The following CHCHD6 variants were observed in gnomAD, a reference collection of about 807,000 sequenced individuals.
CHCHD6 encodes the protein coiled-coil-helix-coiled-coil-helix domain containing 6.
In CHCHD6, 28 loss-of-function variants were observed where a neutral mutation model predicts 32.3. The ratio of observed to expected loss-of-function variants is 0.87; its 90% CI spans 0.64 to 1.19. CHCHD6 has a LOEUF of 1.19. Ranked by LOEUF, CHCHD6 falls within the 50% of genes most tolerant of loss-of-function variation. CHCHD6 has a pLI of 0.00. For synonymous variants in CHCHD6, 122 were observed against 117.5 expected, an observed-to-expected ratio of 1.04 and a Z score of -0.25; for missense variants, 333 against 307.0, an observed-to-expected ratio of 1.08 and a Z score of -0.63.
Position 126,806,913 on chromosome 3 carries a change from C to G in CHCHD6, c.412-45734C>G, listed in dbSNP as rs577399115. On this transcript the variant is annotated intron_variant, in intron 4 of 7. Transcript: ENST00000290913. ...GTCCTTTGTAGGGACATGGATGAAA[C>G]TGGAAATCATCATTCTCAGTAAGCT... Among the ~76,000 whole-genome samples, 53 of 151,616 alleles carry G rather than the reference C, an allele frequency of 3.5e-4. 1 individual carries two copies. Among genetic ancestry groups the G allele is most frequent in the Non-Finnish European group, 7.4e-4 (50 of 67,922 alleles).
At chr3:126,714,861 T>A (rs1232948041) in intron 1 of CHCHD6, among the ~76,000 whole-genome samples, 1 of 152,064 alleles carries the variant, frequency 6.6e-6, no homozygotes, top group African/African-American at 2.4e-5. Flanking sequence ...ATCCTCAGAG[T>A]GAGGACGATG....
At chr3:126,888,686 A>G (rs1265585780) in intron 5 of CHCHD6, among the ~76,000 whole-genome samples, 1 of 152,166 alleles carries the variant, frequency 6.6e-6, no homozygotes, top group Non-Finnish European at 1.5e-5. Flanking sequence ...TGGTGAGTAG[A>G]CAGGAAGGGA....
chr3:126,853,003 A>G (rs543561676), intron 5 of CHCHD6, among the ~76,000 whole-genome samples: 2 of 152,272 alleles, frequency 1.3e-5, no homozygotes, highest in South Asian at 4.1e-4. Context: ...CGGTAGTTCA[A>G]TTTTAGAAAA....
At chr3:126,833,275 A>G (rs1276561418) in intron 4 of CHCHD6, among the ~76,000 whole-genome samples, 3 of 152,164 alleles carry the variant, frequency 2.0e-5, no homozygotes, top group African/African-American at 7.2e-5. Flanking sequence ...GGTACATTTC[A>G]TATACTGTGA....
At chr3:126,888,264 T>C (rs1003642071) in intron 5 of CHCHD6, among the ~76,000 whole-genome samples, 22 of 151,620 alleles carry the variant, frequency 1.5e-4, no homozygotes, top group African/African-American at 2.4e-5. Context: ...AGCTTCTTTT[T>C]AGAGTTGGTA....
chr3:126,857,087 C>G (rs956919265), intron 5 of CHCHD6, among the ~76,000 whole-genome samples: 3 of 152,152 alleles, frequency 2.0e-5, no homozygotes, highest in Non-Finnish European at 4.4e-5. Flanking sequence ...TACTCCACAT[C>G]AATTTAAGTC....
intron 4 of CHCHD6, among the ~76,000 whole-genome samples, chr3:126,840,219 T>C (rs1559874495): frequency 3.3e-5 from 5 of 152,188 alleles, no homozygotes; most frequent in Admixed American, 6.5e-5. Context: ...TTGATGGACA[T>C]TTAGGGGCTA....
In CHCHD6 at chr3:126,849,258, G is replaced by A. The variant is rs201429511; in HGVS notation, c.412-3389G>A. 3.5e-4 allele frequency among the ~76,000 whole-genome samples: 54 copies of A among 152,388 alleles called. No homozygotes were observed. The East Asian group carries it at 6.2e-3, about 17-fold the overall frequency. ...AATGTGGTTTATTCTGACCCTGCAC[G>A]ATAAAGAGGGTTCCTGACTGCCTCT... is the stretch of plus-strand genomic sequence containing the variant. On this transcript the variant is annotated intron_variant, in intron 4 of 7. Transcript: ENST00000290913.
rs1424943369 is a variant in CHCHD6 at position 126,749,174 on chromosome 3, T to C, written c.411+15952T>C. The stretch of plus-strand genomic sequence containing the variant: ...AACAGTGGGTGGGGACTCATGGGCA[T>C]GGCAGGAAACTGGGTTTGAGAAGCA... On this transcript the variant is annotated intron_variant, in intron 4 of 7. Coordinates refer to ENST00000290913, the MANE Select transcript of CHCHD6 (RefSeq NM_032343.3). 2.0e-5 allele frequency among the ~76,000 whole-genome samples: 3 copies of C among 152,096 alleles called. No homozygotes were observed. The East Asian group carries it at 5.8e-4, about 29-fold the overall frequency.
intron 6 of CHCHD6, among the ~76,000 whole-genome samples, chr3:126,945,464 G>A (rs573131848): frequency 1.5e-4 from 22 of 149,896 alleles, no homozygotes; most frequent in Middle Eastern, 7.1e-3. Flanking sequence ...ACTTGGGAGC[G>A]GGGAAAGTCG....
At chr3:126,944,889 C>T (rs1009580165) in intron 6 of CHCHD6, among the ~76,000 whole-genome samples, 1 of 152,104 alleles carries the variant, frequency 6.6e-6, no homozygotes, top group Admixed American at 6.6e-5. Context: ...CTAGAGGGGC[C>T]GGAATGCCTC....
At chr3:126,908,895 G>C (rs772447718) in intron 5 of CHCHD6, among the ~76,000 whole-genome samples, 6 of 152,218 alleles carry the variant, frequency 3.9e-5, no homozygotes, top group Non-Finnish European at 8.8e-5. Flanking sequence ...AGACCCAGAG[G>C]TCTTGACCCT....
chr3:126,872,048 C>G (rs962447860), intron 5 of CHCHD6, among the ~76,000 whole-genome samples: 4 of 152,140 alleles, frequency 2.6e-5, no homozygotes, highest in African/African-American at 9.7e-5. Flanking sequence ...TATGTCTTCC[C>G]CTTAGGGTGT....
intron 4 of CHCHD6, among the ~76,000 whole-genome samples, chr3:126,771,438 C>T (rs996603795): frequency 9.9e-5 from 15 of 151,922 alleles, no homozygotes; most frequent in Admixed American, 2.6e-4. Flanking sequence ...CTCCTGACCT[C>T]GTGATCTTGA....
intron 4 of CHCHD6, among the ~76,000 whole-genome samples, chr3:126,832,359 G>A (rs542467147): frequency 1.6e-4 from 25 of 152,232 alleles, no homozygotes; most frequent in Admixed American, 1.4e-3. Flanking sequence ...TTATCCAGGG[G>A]TGGTGTCCAT....
chr3:126,804,239 C>CA (rs1011358929), intron 4 of CHCHD6, among the ~76,000 whole-genome samples: 51 of 151,750 alleles, frequency 3.4e-4, no homozygotes, highest in Admixed American at 1.8e-3. Context: ...GAAATAGAGA[C>CA]AAAAAAACCC....
At chr3:126,933,209 G>A (rs957992225) in intron 6 of CHCHD6, among the ~76,000 whole-genome samples, 5 of 152,102 alleles carry the variant, frequency 3.3e-5, no homozygotes, top group African/African-American at 7.2e-5. Flanking sequence ...TTGCCTCTCC[G>A]AAGCCTGGTA....
intron 4 of CHCHD6, among the ~76,000 whole-genome samples, chr3:126,843,334 C>CT (rs1408790333): frequency 3.3e-5 from 5 of 152,056 alleles, no homozygotes; most frequent in Non-Finnish European, 7.4e-5. Context: ...TTTTACATCT[C>CT]TTTTCTCGAG....
At chr3:126,937,750 T>C (rs553246205) in intron 6 of CHCHD6, among the ~76,000 whole-genome samples, 85 of 152,128 alleles carry the variant, frequency 5.6e-4, no homozygotes, top group Non-Finnish European at 1.1e-3. Context: ...CTTTGTATCC[T>C]CAGGCTGACC....
Sources: gnomAD v4.1 joint callset for allele counts (sites outside exome capture counted in the v4.1 genomes callset) on GRCh38, gnomAD v4.1.1 for gene constraint, MANE v1.5 for transcripts, NCBI Gene and HGNC (gene_info 2026-07-23, HGNC 2026-07-21) for gene names.